Variants in METTL15 observed in about 807,000 individuals in gnomAD.
METTL15 encodes 12S rRNA N(4)-cytidine methyltransferase METTL15.
METTL15 carries 34 observed loss-of-function variants against 38.3 expected under a neutral mutation model. The ratio of observed to expected loss-of-function variants is 0.89; its 90% CI spans 0.68 to 1.18. The LOEUF is 1.18. METTL15 is among the 50% of genes most tolerant of loss of function. The pLI is 0.00. For missense variants in METTL15, 438 were observed against 498.4 expected (o/e 0.88, Z 1.15); for synonymous variants, 162 against 170.9 (o/e 0.95, Z 0.41).
intron 5 of METTL15, among the ~76,000 whole-genome samples, chr11:28,368,956 A>T (rs891079640): frequency 6.6e-6 from 1 of 152,020 alleles, no homozygotes; most frequent in Admixed American, 6.6e-5. Context: ...GAGCAATGAG[A>T]GCACATGGAC....
At chr11:28,407,858 T>C (rs1218195457) in intron 5 of METTL15, among the ~76,000 whole-genome samples, 1 of 152,106 alleles carries the variant, frequency 6.6e-6, no homozygotes, top group Non-Finnish European at 1.5e-5. Context: ...AATGCATGCA[T>C]AAGTTCACTG....
At chr11:28,378,652 GT>G (rs1850348190) in intron 5 of METTL15, among the ~76,000 whole-genome samples, 1 of 151,930 alleles carries the variant, frequency 6.6e-6, no homozygotes, top group Admixed American at 6.6e-5. Context: ...GACAGGAGCT[GT>G]TCCTATTCGG....
At position 28,374,676 on chromosome 11, in the gene METTL15, G is replaced by T. The variant is rs1406036757; in HGVS notation, c.*358+12640G>T. On this transcript the variant is annotated intron_variant and NMD_transcript_variant, in intron 5 of 7. Transcript: ENST00000532947. ...CTTTATTTCCTTCTCCTGCCTAATT[G>T]CCCTGGCCAGAACTTCCCACACTAT... 3.3e-5 allele frequency among the ~76,000 whole-genome samples: 5 copies of T among 150,316 alleles called. No individual in the cohort carries two copies. The South Asian group carries it at 1.1e-3, about 33-fold the overall frequency.
chr11:28,367,590 A>G (rs1387316067), intron 5 of METTL15, among the ~76,000 whole-genome samples: 2 of 152,194 alleles, frequency 1.3e-5, no homozygotes, highest in African/African-American at 4.8e-5. Flanking sequence ...TGGAATTGGA[A>G]AAAACTACTT....
At chr11:28,442,024 C>A (rs971250446) in intron 6 of METTL15, among the ~76,000 whole-genome samples, 1 of 152,130 alleles carries the variant, frequency 6.6e-6, no homozygotes, top group African/African-American at 2.4e-5. Flanking sequence ...TGTGGACATA[C>A]GGAAGTTGAT....
At chr11:28,441,471 T>G (rs528452531) in intron 6 of METTL15, among the ~76,000 whole-genome samples, 12 of 152,214 alleles carry the variant, frequency 7.9e-5, no homozygotes, top group African/African-American at 2.4e-4. Flanking sequence ...CTCCTGAATT[T>G]TCAGTTGTAC....
At chr11:28,409,141 G>A (rs190199180) in intron 5 of METTL15, among the ~76,000 whole-genome samples, 1 of 152,160 alleles carries the variant, frequency 6.6e-6, no homozygotes, top group Admixed American at 6.5e-5. Context: ...CCAGCACTTA[G>A]GGAGGCTGAG....
At chr11:28,484,448 C>T (rs1341331710) in intron 6 of METTL15, among the ~76,000 whole-genome samples, 1 of 152,166 alleles carries the variant, frequency 6.6e-6, no homozygotes, top group Non-Finnish European at 1.5e-5. Context: ...AGTGGATGCC[C>T]AGCCTACATG....
chr11:28,450,006 A>C (rs1851107033), intron 6 of METTL15, among the ~76,000 whole-genome samples: 1 of 152,236 alleles, frequency 6.6e-6, no homozygotes, highest in East Asian at 1.9e-4. Context: ...TTGAGAGCAA[A>C]ATAAAATGGT....
chr11:28,466,208 G>A (rs1851255519), intron 6 of METTL15, among the ~76,000 whole-genome samples: 1 of 152,308 alleles, frequency 6.6e-6, no homozygotes, highest in South Asian at 2.1e-4. Context: ...GTATCAGAAG[G>A]CAGGATCTGG....
At chr11:28,120,624 T>A (rs1221930122) in intron 3 of METTL15, among the ~76,000 whole-genome samples, 1 of 152,186 alleles carries the variant, frequency 6.6e-6, no homozygotes, top group Non-Finnish European at 1.5e-5. Context: ...TCTCTGCCTA[T>A]TTCTTCAACT....
intron 5 of METTL15, among the ~76,000 whole-genome samples, chr11:28,419,549 A>G (rs918087008): frequency 7.9e-5 from 12 of 152,188 alleles, no homozygotes; most frequent in African/African-American, 2.9e-4. Context: ...GGACAGATAC[A>G]AACAAGTCCA....
At chr11:28,128,251 T>C (rs1242222157) in intron 3 of METTL15, among the ~76,000 whole-genome samples, 1 of 152,084 alleles carries the variant, frequency 6.6e-6, no homozygotes, top group African/African-American at 2.4e-5. Flanking sequence ...GAAAAAAAAT[T>C]AACCAGAAAT....
rs1306282564 is a variant in METTL15 at position 28,377,092 on chromosome 11, A to G, written c.*358+15056A>G. Reference sequence around the variant, plus strand: ...ACCTTTCTCTCTGGCTGCCCTCAACATTTTTTCCTTCATTTCAACTTTGGT... The same window carrying G: ...ACCTTTCTCTCTGGCTGCCCTCAACGTTTTTTCCTTCATTTCAACTTTGGT... On this transcript the variant is annotated intron_variant and NMD_transcript_variant, in intron 5 of 7. Coordinates refer to the METTL15 transcript ENST00000532947. Among the ~76,000 whole-genome samples, 3 of 136,898 alleles carry G rather than the reference A, an allele frequency of 2.2e-5. 1 individual carries two copies. The highest frequency in any genetic ancestry group is 3.3e-5 in the Non-Finnish European group (2 of 61,056). 89.8% of individuals were successfully genotyped at this position (136,898 alleles called of 152,430 possible).
chr11:28,175,372 A>G (rs1851032727), intron 3 of METTL15, among the ~76,000 whole-genome samples: 1 of 152,174 alleles, frequency 6.6e-6, no homozygotes, highest in East Asian at 1.9e-4. Flanking sequence ...GTTGGTTCCA[A>G]GTCTTTGCTA....
chr11:28,418,097 A>T (rs1197876848), intron 5 of METTL15, among the ~76,000 whole-genome samples: 1 of 152,028 alleles, frequency 6.6e-6, no homozygotes, highest in Non-Finnish European at 1.5e-5. Context: ...TGTCCTCTTC[A>T]TCAACTCTCA....
chr11:28,129,217 C>A (rs1172290379), intron 3 of METTL15, among the ~76,000 whole-genome samples: 1 of 152,122 alleles, frequency 6.6e-6, no homozygotes, highest in Non-Finnish European at 1.5e-5. Flanking sequence ...TAGACTAGGT[C>A]AACATGTCTA....
At chr11:28,368,594 C>A (rs1477526592) in intron 5 of METTL15, among the ~76,000 whole-genome samples, 3 of 152,080 alleles carry the variant, frequency 2.0e-5, no homozygotes, top group Admixed American at 2.0e-4. Context: ...GACAGTGTGG[C>A]GATTCCTCAA....
At chr11:28,110,451 A>C (rs986770453) in intron 2 of METTL15, 50 bp downstream of exon 2, 1 of 152,062 alleles carries the variant, frequency 6.6e-6, no homozygotes, top group Non-Finnish European at 1.5e-5. Context: ...AAACCACCAA[A>C]CCTTTGGGGG....
Sources: gnomAD v4.1 joint callset for allele counts (sites outside exome capture counted in the v4.1 genomes callset) on GRCh38, gnomAD v4.1.1 for gene constraint, MANE v1.5 for transcripts, NCBI Gene and HGNC (gene_info 2026-07-23, HGNC 2026-07-21) for gene names.